FRMD3: variants seen among roughly 807,000 people sequenced by gnomAD.
FRMD3 encodes FERM domain containing 3.
FRMD3 carries 33 observed loss-of-function variants against 70.2 expected under a neutral mutation model. The observed-to-expected ratio is 0.47, with a 90% CI of 0.36 to 0.63. The LOEUF (loss-of-function observed/expected upper bound fraction) is 0.63. Among genes scored for constraint, FRMD3 ranks in the 20% least tolerant of loss-of-function variants. FRMD3 has a pLI of 0.00. For missense variants in FRMD3, 632 were observed against 711.4 expected, an observed-to-expected ratio of 0.89 and a Z score of 1.27; for synonymous variants, 279 against 255.9, an observed-to-expected ratio of 1.09 and a Z score of -0.86.
At chr9:83,312,700 G>A (rs1835407953) in intron 7 of FRMD3, among the ~76,000 whole-genome samples, 1 of 152,170 alleles carries the variant, frequency 6.6e-6, no homozygotes, top group Admixed American at 6.5e-5. Flanking sequence ...CGCCTTGGCT[G>A]CACATTGGAA....
chr9:83,394,469 C>T (rs186583457), intron 1 of FRMD3, among the ~76,000 whole-genome samples: 1 of 152,276 alleles, frequency 6.6e-6, no homozygotes, highest in Admixed American at 6.5e-5. Flanking sequence ...GTAAACTCTA[C>T]ATAATGCAGT....
At chr9:83,582,981 A>C in the FRMD3 span, among the ~76,000 whole-genome samples, 1 of 152,190 alleles carries the variant, frequency 6.6e-6, no homozygotes, top group African/African-American at 2.4e-5. Context: ...ACTCATAATG[A>C]ATCAATGTTT....
intron 1 of FRMD3, among the ~76,000 whole-genome samples, chr9:83,476,020 A>T (rs1440292930): frequency 1.3e-5 from 2 of 152,214 alleles, no homozygotes; most frequent in East Asian, 3.8e-4. Flanking sequence ...TGCAATATAC[A>T]TCTATTTCAG....
chr9:83,293,597 T>C (rs1834534520), intron 12 of FRMD3, among the ~76,000 whole-genome samples: 2 of 152,176 alleles, frequency 1.3e-5, no homozygotes, highest in African/African-American at 4.8e-5. Flanking sequence ...ACCCACAACA[T>C]TGCAATGTCC....
chr9:83,510,161 G>C (rs1829305663), intron 1 of FRMD3, among the ~76,000 whole-genome samples: 1 of 152,168 alleles, frequency 6.6e-6, no homozygotes, highest in Non-Finnish European at 1.5e-5. Flanking sequence ...CCATAGTCTT[G>C]AGGCAGCCTG....
At chr9:83,478,091 A>C (rs1177585777) in intron 1 of FRMD3, among the ~76,000 whole-genome samples, 1 of 152,198 alleles carries the variant, frequency 6.6e-6, no homozygotes, top group Non-Finnish European at 1.5e-5. Context: ...CAAAAACTAC[A>C]TCATGAAGAA....
At chr9:83,415,919 G>C (rs1392279324) in intron 1 of FRMD3, among the ~76,000 whole-genome samples, 1 of 152,158 alleles carries the variant, frequency 6.6e-6, no homozygotes, top group Non-Finnish European at 1.5e-5. Context: ...GCTGACTCCT[G>C]TCCAAAAGTG....
At chr9:83,540,806 C>A (rs148130741), upstream of FRMD3, among the ~76,000 whole-genome samples, 3 of 152,184 alleles carry the variant, frequency 2.0e-5, no homozygotes, top group Admixed American at 6.5e-5. Context: ...AACAACAGAG[C>A]TCAAAGAATA....
At chr9:83,281,512 C>A (rs1833970496) in intron 13 of FRMD3, 1 of 152,094 alleles carries the variant, frequency 6.6e-6, no homozygotes, top group South Asian at 2.1e-4. Context: ...TCCTTTGAAG[C>A]AATTAATTAT....
intron 1 of FRMD3, among the ~76,000 whole-genome samples, chr9:83,509,477 A>G (rs982813033): frequency 3.3e-5 from 5 of 152,218 alleles, no homozygotes; most frequent in African/African-American, 7.2e-5. Flanking sequence ...AGGTTTGTCT[A>G]CTTTAAGCTG....
chr9:83,534,479 C>A (rs1270557028), intron 1 of FRMD3, among the ~76,000 whole-genome samples: 2 of 152,176 alleles, frequency 1.3e-5, no homozygotes, highest in African/African-American at 4.8e-5. Context: ...GTGGCAAATG[C>A]AAAGATCCTA....
At chr9:83,355,083 C>G (rs78908475) in intron 3 of FRMD3, among the ~76,000 whole-genome samples, 6,408 of 152,118 alleles carry the variant, frequency 0.042, 215 homozygotes, top group East Asian at 0.18. Flanking sequence ...CATGGAAGCC[C>G]CCACTTACTC....
At chr9:83,473,936 G>A (rs1281137520) in intron 1 of FRMD3, among the ~76,000 whole-genome samples, 2 of 152,194 alleles carry the variant, frequency 1.3e-5, no homozygotes, top group African/African-American at 4.8e-5. Context: ...AACTCCTGCT[G>A]AGGTTAACAA....
chr9:83,520,685 T>C (rs116367830), intron 1 of FRMD3, among the ~76,000 whole-genome samples: 3 of 152,310 alleles, frequency 2.0e-5, no homozygotes, highest in African/African-American at 7.2e-5. Flanking sequence ...GCAAAAGTTC[T>C]ACCAGACAGC....
chr9:83,269,192 C>G (rs1012463823), intron 13 of FRMD3, among the ~76,000 whole-genome samples: 3 of 152,214 alleles, frequency 2.0e-5, no homozygotes, highest in Non-Finnish European at 2.9e-5. Flanking sequence ...CTGAGGAAAT[C>G]TCCCTTTGGC....
At chr9:83,309,985 C>G (rs1835289838) in intron 9 of FRMD3, among the ~76,000 whole-genome samples, 1 of 152,158 alleles carries the variant, frequency 6.6e-6, no homozygotes, top group Non-Finnish European at 1.5e-5. Context: ...AGAAAACCCG[C>G]AAATTTCTAG....
chr9:83,479,667 G>GAAA (rs1828496899), intron 1 of FRMD3, among the ~76,000 whole-genome samples: 4 of 39,318 alleles, frequency 1.0e-4, no homozygotes, highest in Admixed American at 3.2e-4. Flanking sequence ...AAGGAAGGAA[G>GAAA]GAAGGAAAGA....
chr9:83,398,866 A>C (rs576293081), intron 1 of FRMD3, among the ~76,000 whole-genome samples: 2 of 152,324 alleles, frequency 1.3e-5, no homozygotes, highest in East Asian at 3.9e-4. Flanking sequence ...CAAAAACAAT[A>C]CCAGGGCCAG....
intron 1 of FRMD3, among the ~76,000 whole-genome samples, chr9:83,515,233 G>T (rs1380289707): frequency 6.6e-6 from 1 of 152,198 alleles, no homozygotes; most frequent in Non-Finnish European, 1.5e-5. Flanking sequence ...TAAAAGGTTA[G>T]AAGAATTGCT....
Sources: allele counts gnomAD v4.1 joint callset (sites outside exome capture counted in the v4.1 genomes callset), GRCh38; gene constraint gnomAD v4.1.1; transcripts MANE v1.5; gene names NCBI Gene and HGNC (gene_info 2026-07-23, HGNC 2026-07-21).